The following RAB38 variants were observed in gnomAD, a reference collection of about 807,000 sequenced individuals.
RAB38 encodes RAB38, member RAS oncogene family.
RAB38 carries 15 observed loss-of-function variants against 18.4 expected under a neutral mutation model. That is an observed-to-expected ratio of 0.82 (90% CI 0.55 to 1.26). RAB38 has a LOEUF of 1.26. RAB38 is among the 50% of genes most tolerant of loss of function. The pLI, the probability that RAB38 is intolerant of heterozygous loss-of-function variation, is 0.00. For missense variants in RAB38, 294 were observed against 267.4 expected (o/e 1.10, Z -0.69); for synonymous variants, 101 against 104.4 (o/e 0.97, Z 0.20).
chr11:87,968,611 G>C, the RAB38 span, among the ~76,000 whole-genome samples: 1 of 152,120 alleles, frequency 6.6e-6, no homozygotes, highest in Non-Finnish European at 1.5e-5. Context: ...AGGAGATAAG[G>C]AGCTTGCACG....
At chr11:88,159,494 CT>C (rs1943163874) in intron 1 of RAB38, among the ~76,000 whole-genome samples, 1 of 151,626 alleles carries the variant, frequency 6.6e-6, no homozygotes. Context: ...TCCTAAAATT[CT>C]TATGGAATTA....
At chr11:87,903,081 A>G in the RAB38 span, among the ~76,000 whole-genome samples, 2 of 151,068 alleles carry the variant, frequency 1.3e-5, no homozygotes, top group Non-Finnish European at 3.0e-5. Flanking sequence ...TTTTTGCCTA[A>G]TTACATTAAC....
the RAB38 span, among the ~76,000 whole-genome samples, chr11:87,859,679 G>A: frequency 2.0e-4 from 31 of 152,120 alleles, no homozygotes; most frequent in African/African-American, 7.2e-4. Flanking sequence ...TTACTGGCTC[G>A]CATCATTGTA....
At chr11:88,083,641 T>C in the RAB38 span, among the ~76,000 whole-genome samples, 1 of 152,054 alleles carries the variant, frequency 6.6e-6, no homozygotes, top group Non-Finnish European at 1.5e-5. Context: ...GATGGTTCTT[T>C]TGAGAAGTGA....
At chr11:88,149,107 A>G (rs577908115) in intron 2 of RAB38, among the ~76,000 whole-genome samples, 40 of 152,110 alleles carry the variant, frequency 2.6e-4, no homozygotes, top group Non-Finnish European at 4.4e-4. Context: ...ACCTCCTGCC[A>G]CTTTTCTGCC....
chr11:87,808,288 CA>C, the RAB38 span, among the ~76,000 whole-genome samples: 1 of 152,122 alleles, frequency 6.6e-6, no homozygotes, highest in Non-Finnish European at 1.5e-5. Context: ...TCACAATAGC[CA>C]TGATATGAAA....
the RAB38 span, among the ~76,000 whole-genome samples, chr11:88,038,067 CTTT>C: frequency 6.6e-6 from 1 of 152,008 alleles, no homozygotes; most frequent in Non-Finnish European, 1.5e-5. Flanking sequence ...TGTGAGTTGC[CTTT>C]TTATTATATT....
chr11:87,870,228 G>A, the RAB38 span, among the ~76,000 whole-genome samples: 2 of 151,438 alleles, frequency 1.3e-5, no homozygotes, highest in African/African-American at 4.8e-5. Flanking sequence ...AAATATTTTT[G>A]TGGGGCTGTT....
chr11:88,070,962 T>C, the RAB38 span, among the ~76,000 whole-genome samples: 1 of 152,210 alleles, frequency 6.6e-6, no homozygotes, highest in South Asian at 2.1e-4. Context: ...AAATGTTAAA[T>C]TTTTAAAAGC....
the RAB38 span, among the ~76,000 whole-genome samples, chr11:87,970,135 G>A: frequency 6.6e-6 from 1 of 152,040 alleles, no homozygotes; most frequent in Admixed American, 6.6e-5. Context: ...CAGAGCTGGG[G>A]CTAATGTAAA....
chr11:87,906,750 A>T, the RAB38 span, among the ~76,000 whole-genome samples: 1 of 151,894 alleles, frequency 6.6e-6, no homozygotes, highest in East Asian at 1.9e-4. Context: ...TGGCTGTACA[A>T]ACCTCAGTTT....
chr11:87,804,975 C>T, the RAB38 span, among the ~76,000 whole-genome samples: 1 of 152,188 alleles, frequency 6.6e-6, no homozygotes, highest in Admixed American at 6.5e-5. Flanking sequence ...AATATCTCAG[C>T]CTTGTGAAAA....
the RAB38 span, among the ~76,000 whole-genome samples, chr11:88,051,964 A>G: frequency 6.6e-6 from 1 of 152,130 alleles, no homozygotes; most frequent in Non-Finnish European, 1.5e-5. Context: ...TCTCTACTAA[A>G]TACAAAAAAT....
intron 2 of RAB38, among the ~76,000 whole-genome samples, chr11:88,132,845 A>T (rs1161038872): frequency 6.6e-6 from 1 of 152,204 alleles, no homozygotes; most frequent in Non-Finnish European, 1.5e-5. Flanking sequence ...TATTTAATAG[A>T]TATTAATAAT....
chr11:87,912,943 A>G, the RAB38 span, among the ~76,000 whole-genome samples: 1 of 151,468 alleles, frequency 6.6e-6, no homozygotes, highest in Non-Finnish European at 1.5e-5. Context: ...GTTGATATGC[A>G]GTGTTTTCAT....
At chr11:88,125,591 G>A (rs907614754) in intron 2 of RAB38, among the ~76,000 whole-genome samples, 5 of 152,184 alleles carry the variant, frequency 3.3e-5, no homozygotes, top group African/African-American at 1.2e-4. Context: ...ATTTGTTTGA[G>A]TTCTGTGTAG....
At chr11:87,959,296 C>A in the RAB38 span, among the ~76,000 whole-genome samples, 1 of 152,146 alleles carries the variant, frequency 6.6e-6, no homozygotes, top group African/African-American at 2.4e-5. Flanking sequence ...CTCCATCATT[C>A]TAAAACCTAC....
At chr11:87,957,021 C>T in the RAB38 span, among the ~76,000 whole-genome samples, 1 of 151,780 alleles carries the variant, frequency 6.6e-6, no homozygotes, top group Non-Finnish European at 1.5e-5. Flanking sequence ...CGAACGCTCT[C>T]ATGTCACATA....
At chr11:88,124,552 T>A (rs996293563) in intron 2 of RAB38, among the ~76,000 whole-genome samples, 12 of 152,208 alleles carry the variant, frequency 7.9e-5, no homozygotes, top group African/African-American at 2.9e-4. Context: ...ATCAGAGAGA[T>A]ACTAGCTAAC....
Sources: allele counts gnomAD v4.1 joint callset (sites outside exome capture counted in the v4.1 genomes callset), GRCh38; gene constraint gnomAD v4.1.1; transcripts MANE v1.5; gene names NCBI Gene and HGNC (gene_info 2026-07-23, HGNC 2026-07-21).